ANKRD44: variants seen among roughly 807,000 people sequenced by gnomAD.
The protein encoded by ANKRD44 is serine/threonine-protein phosphatase 6 regulatory ankyrin repeat subunit B.
A neutral mutation model predicts 116.0 loss-of-function variants in ANKRD44; 35 were observed. The ratio of observed to expected loss-of-function variants is 0.30; its 90% CI spans 0.23 to 0.40. The LOEUF (loss-of-function observed/expected upper bound fraction) is 0.40, where lower values mean the gene tolerates loss of function less well. Among genes scored for constraint, ANKRD44 ranks in the 10% least tolerant of loss-of-function variants. The probability of loss-of-function intolerance (pLI) is 1.00; values close to 1 mark genes in which losing one functional copy is unlikely to be tolerated. For missense variants in ANKRD44, 1,014 were observed against 1,242.6 expected, an observed-to-expected ratio of 0.82 and a Z score of 2.77; for synonymous variants, 435 against 461.8, an observed-to-expected ratio of 0.94 and a Z score of 0.74.
intron 2 of ANKRD44, among the ~76,000 whole-genome samples, chr2:197,185,203 A>G (rs544359353): frequency 2.0e-5 from 3 of 152,324 alleles, no homozygotes; most frequent in South Asian, 2.1e-4. Context: ...CAAATGCCCA[A>G]CTGCCTTCTG....
chr2:197,309,036 A>G (rs906369209), intron 1 of ANKRD44, among the ~76,000 whole-genome samples: 2 of 152,220 alleles, frequency 1.3e-5, no homozygotes, highest in Non-Finnish European at 2.9e-5. Flanking sequence ...GAGTCCTTAC[A>G]ACTCTAAACT....
intron 17 of ANKRD44, among the ~76,000 whole-genome samples, chr2:197,017,909 A>G (rs1266182871): frequency 6.6e-6 from 1 of 152,200 alleles, no homozygotes; most frequent in Non-Finnish European, 1.5e-5. Context: ...TTGCTGCCCT[A>G]GTACAGGGAA....
intron 1 of ANKRD44, chr2:197,263,399 G>T: frequency 1.6e-6 from 1 of 606,610 alleles, no homozygotes; most frequent in Admixed American, 2.5e-5. Context: ...GTGTTTGGGA[G>T]CCTCATCATT....
In ANKRD44 at chr2:196,987,399, T is replaced by A. The variant is rs936816768; in HGVS notation, c.*2192A>T. The stretch of plus-strand genomic sequence containing the variant: ...AAATACAAAACATTCCACAGAACAT[T>A]TTCAGAATATACAAATATAAAAAGG... On this transcript the variant is annotated 3_prime_UTR_variant, in exon 28 of 28. Transcript: ENST00000282272. 2.0e-6 allele frequency: 2 copies of A among 984,992 alleles called. No homozygotes were observed. Among genetic ancestry groups the A allele is most frequent in the East Asian group, 2.3e-4 (2 of 8,832 alleles). The allele number at this position is 984,992 out of a possible 1,614,324, so 61.0% of individuals were successfully genotyped here.
In ANKRD44 at chr2:197,133,577, A is replaced by G. The variant is rs1046915427; in HGVS notation, c.261+3015T>C. ...CAGTATAGAGTTTATAAACTTTTCA[A>G]TGAAGAAATGGTTTCAAACACATGA... On this transcript the variant is annotated intron_variant, in intron 4 of 27. Transcript: ENST00000282272. Among the ~76,000 whole-genome samples, 5 of 152,208 alleles carry G rather than the reference A, an allele frequency of 3.3e-5. 1 individual carries two copies. Among genetic ancestry groups the G allele is most frequent in the Admixed American group, 6.5e-5 (1 of 15,284 alleles).
chr2:197,234,545 C>T (rs1014288046), intron 1 of ANKRD44, among the ~76,000 whole-genome samples: 2 of 152,170 alleles, frequency 1.3e-5, no homozygotes, highest in African/African-American at 2.4e-5. Context: ...TCATGCTTTA[C>T]GAATTGTTCT....
downstream of ANKRD44, among the ~76,000 whole-genome samples, chr2:196,983,961 T>C (rs2075819993): frequency 6.6e-6 from 1 of 152,224 alleles, no homozygotes; most frequent in Non-Finnish European, 1.5e-5. Context: ...TGCCTTGATC[T>C]GTGCAAATCT....
chr2:197,276,752 T>C (rs1417187155), intron 1 of ANKRD44, among the ~76,000 whole-genome samples: 2 of 152,068 alleles, frequency 1.3e-5, no homozygotes, highest in East Asian at 1.9e-4. Flanking sequence ...ACAAAATATA[T>C]AAAAGAGGAT....
intron 16 of ANKRD44, among the ~76,000 whole-genome samples, chr2:197,043,453 C>T (rs368169642): frequency 1.3e-5 from 2 of 152,114 alleles, no homozygotes; most frequent in Non-Finnish European, 2.9e-5. Context: ...AGTGATCCTC[C>T]CACCTCAGCC....
At chr2:197,092,463 T>G (rs1168520247) in intron 10 of ANKRD44, among the ~76,000 whole-genome samples, 2 of 152,226 alleles carry the variant, frequency 1.3e-5, no homozygotes, top group East Asian at 1.9e-4. Context: ...AGACATTTCA[T>G]GGTATTCAGG....
At chr2:197,292,188 C>T (rs2083590169) in intron 1 of ANKRD44, among the ~76,000 whole-genome samples, 1 of 152,042 alleles carries the variant, frequency 6.6e-6, no homozygotes, top group South Asian at 2.1e-4. Context: ...GGATATATAC[C>T]CAGTAATGGG....
chr2:197,270,115 C>G (rs1331241888), intron 1 of ANKRD44, among the ~76,000 whole-genome samples: 1 of 151,990 alleles, frequency 6.6e-6, no homozygotes, highest in Non-Finnish European at 1.5e-5. Context: ...CAAATGTCCT[C>G]AAGGATGGGG....
At chr2:196,978,785 C>CT (rs144019828) in intron 21 of ANKRD44, among the ~76,000 whole-genome samples, 149 of 145,872 alleles carry the variant, frequency 1.0e-3, no homozygotes, top group African/African-American at 3.0e-3. Flanking sequence ...CTCAATGGAG[C>CT]TTTTTTTTTT....
intron 1 of ANKRD44, among the ~76,000 whole-genome samples, chr2:197,208,523 T>C (rs2081257378): frequency 1.3e-5 from 2 of 152,048 alleles, no homozygotes; most frequent in African/African-American, 2.4e-5. Flanking sequence ...CCAGAAGCAG[T>C]GTGGCTCACA....
At chr2:197,285,525 C>T (rs1373984061) in intron 1 of ANKRD44, among the ~76,000 whole-genome samples, 2 of 152,132 alleles carry the variant, frequency 1.3e-5, no homozygotes, top group East Asian at 1.9e-4. Context: ...GGAGTCACTC[C>T]ATTTTCTCAT....
chr2:197,235,213 T>C (rs559382731), intron 1 of ANKRD44, among the ~76,000 whole-genome samples: 1 of 152,346 alleles, frequency 6.6e-6, no homozygotes, highest in East Asian at 1.9e-4. Context: ...AAGAACTAAA[T>C]AGATTGATAT....
chr2:197,015,672 TG>T (rs2076377899), intron 17 of ANKRD44: 1 of 545,294 alleles, frequency 1.8e-6, no homozygotes, highest in African/African-American at 1.9e-5. Flanking sequence ...ATGGAGGAGG[TG>T]ATGGTGGGTG....
At chr2:197,301,536 T>C (rs2083908800) in intron 1 of ANKRD44, 1 of 152,344 alleles carries the variant, frequency 6.6e-6, no homozygotes, top group South Asian at 2.1e-4. Context: ...GGACAATATG[T>C]GATCTTTTAT....
chr2:197,244,919 AT>A (rs1429448472), intron 1 of ANKRD44, among the ~76,000 whole-genome samples: 2 of 152,228 alleles, frequency 1.3e-5, no homozygotes, highest in African/African-American at 2.4e-5. Flanking sequence ...TGCATCTGCC[AT>A]TGGTTTAATT....
Sources: allele counts gnomAD v4.1 joint callset (sites outside exome capture counted in the v4.1 genomes callset), GRCh38; gene constraint gnomAD v4.1.1; transcripts MANE v1.5; gene names NCBI Gene and HGNC (gene_info 2026-07-23, HGNC 2026-07-21).